The following PDE4D variants were observed in gnomAD, a reference collection of about 807,000 sequenced individuals.
The protein encoded by PDE4D is phosphodiesterase 4D.
A neutral mutation model predicts 87.4 loss-of-function variants in PDE4D; 24 were observed. The ratio of observed to expected loss-of-function variants is 0.27; its 90% CI spans 0.20 to 0.39. The LOEUF is 0.39. Ranked by LOEUF, PDE4D falls within the 10% of genes least tolerant of loss-of-function variation. The pLI is 1.00. For synonymous variants in PDE4D, 384 were observed against 383.2 expected (o/e 1.00, Z -0.02); for missense variants, 714 against 1,041.0 (o/e 0.69, Z 4.32).
In PDE4D at chr5:59,393,993, T is replaced by C. The variant is rs374290208; in HGVS notation, c.456-178025A>G. ...TATTTTTTATCTGTCACTAGAGCCA[T>C]TGTACTGTGGGGCCTAATGTTTCAG... On this transcript the variant is annotated intron_variant, in intron 1 of 14. Coordinates refer to ENST00000340635, the MANE Select transcript of PDE4D (RefSeq NM_001104631.2). 5.9e-5 allele frequency among the ~76,000 whole-genome samples: 9 copies of C among 152,364 alleles called. No individual in the cohort carries two copies. The East Asian group carries it at 1.3e-3, about 23-fold the overall frequency.
intron 2 of PDE4D, among the ~76,000 whole-genome samples, chr5:60,049,824 T>C (rs1769859502): frequency 6.6e-6 from 1 of 152,190 alleles, no homozygotes; most frequent in Non-Finnish European, 1.5e-5. Context: ...TTTTTGTTTG[T>C]CTGTGCCCTG....
chr5:60,162,492 G>T (rs576173056), intron 2 of PDE4D, among the ~76,000 whole-genome samples: 3 of 152,032 alleles, frequency 2.0e-5, no homozygotes, highest in Non-Finnish European at 4.4e-5. Flanking sequence ...TGGAGGTTTT[G>T]TGTATTTCTT....
At chr5:59,669,207 G>A (rs533667736) in intron 1 of PDE4D, among the ~76,000 whole-genome samples, 329 of 152,208 alleles carry the variant, frequency 2.2e-3, no homozygotes, top group African/African-American at 7.5e-3. Context: ...CACCTCCCAG[G>A]TTCAAGCAAT....
intron 1 of PDE4D, among the ~76,000 whole-genome samples, chr5:59,430,879 A>G (rs555322068): frequency 1.3e-5 from 2 of 152,314 alleles, no homozygotes; most frequent in East Asian, 1.9e-4. Flanking sequence ...ATTATTTGCT[A>G]TATTTTCGAA....
intron 1 of PDE4D, among the ~76,000 whole-genome samples, chr5:60,450,674 C>T (rs560363050): frequency 1.3e-5 from 2 of 152,238 alleles, no homozygotes; most frequent in South Asian, 4.1e-4. Context: ...TATTATACTT[C>T]TTCTATCTCC....
chr5:60,123,266 C>T (rs1458957188), intron 2 of PDE4D, among the ~76,000 whole-genome samples: 2 of 152,184 alleles, frequency 1.3e-5, no homozygotes, highest in African/African-American at 4.8e-5. Context: ...TTCATCAACA[C>T]TCCACTCTAT....
intron 5 of PDE4D, among the ~76,000 whole-genome samples, chr5:59,145,984 G>A (rs1280219357): frequency 6.6e-6 from 1 of 152,030 alleles, no homozygotes; most frequent in Non-Finnish European, 1.5e-5. Flanking sequence ...AAAATTAGCT[G>A]GGCGTGATGA....
intron 1 of PDE4D, among the ~76,000 whole-genome samples, chr5:59,735,417 T>G (rs936826177): frequency 5.9e-5 from 9 of 152,174 alleles, no homozygotes; most frequent in African/African-American, 1.7e-4. Context: ...TCAAACAAAT[T>G]CTAAGATGTG....
chr5:59,945,076 G>T (rs1474568634), intron 3 of PDE4D, among the ~76,000 whole-genome samples: 1 of 152,104 alleles, frequency 6.6e-6, no homozygotes, highest in Non-Finnish European at 1.5e-5. Flanking sequence ...TTAATCTATT[G>T]AGAAGCAATA....
chr5:59,042,567 C>G (rs536372898), intron 5 of PDE4D, among the ~76,000 whole-genome samples: 5 of 152,240 alleles, frequency 3.3e-5, no homozygotes, highest in African/African-American at 1.2e-4. Flanking sequence ...TTAACTGCAC[C>G]AAATCTTGCT....
At chr5:60,398,106 T>G (rs2961773) in intron 1 of PDE4D, among the ~76,000 whole-genome samples, 16,361 of 152,206 alleles carry the variant, frequency 0.11, 1,365 homozygotes, top group East Asian at 0.4. Flanking sequence ...TTTTTTAATC[T>G]TCTATGGTTG....
chr5:59,658,722 A>G (rs1402487208), intron 1 of PDE4D, among the ~76,000 whole-genome samples: 1 of 152,230 alleles, frequency 6.6e-6, no homozygotes, highest in Non-Finnish European at 1.5e-5. Context: ...GGACTCCAGC[A>G]GTCAACAAAT....
At chr5:59,978,030 A>G (rs1294156619) in intron 3 of PDE4D, among the ~76,000 whole-genome samples, 1 of 152,224 alleles carries the variant, frequency 6.6e-6, no homozygotes, top group Non-Finnish European at 1.5e-5. Flanking sequence ...TCTTTTCAAA[A>G]TATGACTGTT....
chr5:59,854,494 A>C (rs1353135669), intron 1 of PDE4D, among the ~76,000 whole-genome samples: 4 of 152,058 alleles, frequency 2.6e-5, no homozygotes, highest in Non-Finnish European at 5.9e-5. Context: ...CAAATATGTC[A>C]GTATTTTCCC....
chr5:60,444,243 A>G (rs1019055425), intron 1 of PDE4D, among the ~76,000 whole-genome samples: 8 of 151,942 alleles, frequency 5.3e-5, no homozygotes, highest in Admixed American at 5.2e-4. Context: ...TGGTCCCTTC[A>G]CCTCTAACAG....
intron 6 of PDE4D, among the ~76,000 whole-genome samples, chr5:59,023,438 C>G (rs1580355339): frequency 6.7e-6 from 1 of 148,730 alleles, no homozygotes; most frequent in Non-Finnish European, 1.5e-5. Context: ...TGAGACCAGC[C>G]TGGGTAACAT....
At chr5:59,573,940 G>A (rs1233907002) in intron 1 of PDE4D, among the ~76,000 whole-genome samples, 1 of 144,246 alleles carries the variant, frequency 6.9e-6, no homozygotes, top group Non-Finnish European at 1.5e-5. Context: ...AGAGGTTGCA[G>A]TGGGATGACA....
At chr5:58,976,605 C>T in intron 12 of PDE4D, 133 bp from the exon 13 acceptor site, 1 of 708,588 alleles carries the variant, frequency 1.4e-6, no homozygotes, top group Non-Finnish European at 2.3e-6. Flanking sequence ...ATCCTTACTA[C>T]TCCTTGGGGG....
chr5:60,364,200 C>T (rs1760327587), intron 1 of PDE4D, among the ~76,000 whole-genome samples: 1 of 152,186 alleles, frequency 6.6e-6, no homozygotes. Context: ...GCTGCTCACA[C>T]TTGTCTTTTC....
Sources: allele counts gnomAD v4.1 joint callset (sites outside exome capture counted in the v4.1 genomes callset), GRCh38; gene constraint gnomAD v4.1.1; transcripts MANE v1.5; gene names NCBI Gene and HGNC (gene_info 2026-07-23, HGNC 2026-07-21).